The following SLC67A2 variants were observed in gnomAD, a reference collection of about 807,000 sequenced individuals.
SLC67A2 encodes solute carrier family 67 member A2.
chr2:102,731,538 T>A, the SLC67A2 span, among the ~76,000 whole-genome samples: 3 of 152,352 alleles, frequency 2.0e-5, no homozygotes, highest in South Asian at 6.2e-4. Context: ...ATATTTTTTT[T>A]ACAGAGCTCT....
the SLC67A2 span, chr2:102,717,314 T>G: frequency 6.6e-6 from 1 of 152,556 alleles, no homozygotes; most frequent in Non-Finnish European, 1.5e-5. Flanking sequence ...ATTACAGGCC[T>G]GAGCCACCGA....
At chr2:102,730,561 G>A in the SLC67A2 span, among the ~76,000 whole-genome samples, 1 of 92,040 alleles carries the variant, frequency 1.1e-5, no homozygotes, top group African/African-American at 4.3e-5. Flanking sequence ...TTTTTTTTTT[G>A]AGACAGAGTC....
chr2:102,734,651 C>A, the SLC67A2 span, among the ~76,000 whole-genome samples: 1 of 151,948 alleles, frequency 6.6e-6, no homozygotes, highest in Non-Finnish European at 1.5e-5. Flanking sequence ...TAATTGTTTA[C>A]AATATTTTCC....
At chr2:102,718,575 TG>T in the SLC67A2 span, 1 of 1,610,170 alleles carries the variant, frequency 6.2e-7, no homozygotes, top group Non-Finnish European at 8.5e-7. Flanking sequence ...GGGGCGATGA[TG>T]CGGCCCACTG....
At chr2:102,718,491 C>T in the SLC67A2 span, 8 of 1,614,130 alleles carry the variant, frequency 5.0e-6, no homozygotes, top group Non-Finnish European at 6.8e-6. Flanking sequence ...ATGAAAATGG[C>T]CACTAAGGCT....
At chr2:102,735,959 A>T in the SLC67A2 span, among the ~76,000 whole-genome samples, 1 of 152,094 alleles carries the variant, frequency 6.6e-6, no homozygotes, top group African/African-American at 2.4e-5. Context: ...TTAAACATTC[A>T]AGTCAACCGA....
chr2:102,723,250 G>A, the SLC67A2 span, among the ~76,000 whole-genome samples: 2 of 152,138 alleles, frequency 1.3e-5, no homozygotes, highest in Admixed American at 6.5e-5. Context: ...GCGGCGGATC[G>A]CATGAGGTCA....
the SLC67A2 span, among the ~76,000 whole-genome samples, chr2:102,722,774 C>G: frequency 2.6e-5 from 4 of 152,054 alleles, no homozygotes; most frequent in Non-Finnish European, 5.9e-5. Flanking sequence ...GTGGAACTAC[C>G]TGAAACGAAA....
the SLC67A2 span, chr2:102,719,049 G>C: frequency 6.2e-7 from 1 of 1,614,098 alleles, no homozygotes; most frequent in East Asian, 2.2e-5. Context: ...TCGACCCAGG[G>C]CTGGGCAGTC....
chr2:102,726,745 C>G, the SLC67A2 span: 1 of 1,472,748 alleles, frequency 6.8e-7, no homozygotes, highest in Non-Finnish European at 9.0e-7. Context: ...GGATGTTGAG[C>G]AAGACCACAG....
the SLC67A2 span, chr2:102,732,035 C>T: frequency 5.5e-6 from 3 of 545,898 alleles, no homozygotes; most frequent in South Asian, 3.2e-5. Flanking sequence ...CTTTTATACA[C>T]ACAGCCAGCT....
the SLC67A2 span, among the ~76,000 whole-genome samples, chr2:102,722,133 T>C: frequency 6.6e-6 from 1 of 152,222 alleles, no homozygotes; most frequent in South Asian, 2.1e-4. Context: ...AATAACATAA[T>C]TTCAAGAATG....
chr2:102,730,785 G>A, the SLC67A2 span, among the ~76,000 whole-genome samples: 5 of 152,066 alleles, frequency 3.3e-5, no homozygotes, highest in African/African-American at 7.3e-5. Context: ...TCCTGACCTC[G>A]TGATCCACCC....
At chr2:102,722,973 A>G in the SLC67A2 span, among the ~76,000 whole-genome samples, 2 of 152,218 alleles carry the variant, frequency 1.3e-5, no homozygotes, top group African/African-American at 2.4e-5. Flanking sequence ...CAAAAACAAA[A>G]AAACACCAAG....
At chr2:102,724,106 C>T in the SLC67A2 span, among the ~76,000 whole-genome samples, 1 of 152,138 alleles carries the variant, frequency 6.6e-6, no homozygotes, top group Non-Finnish European at 1.5e-5. Flanking sequence ...GGTTCCATCC[C>T]ACCGTAATTA....
chr2:102,726,645 A>G, the SLC67A2 span, among the ~76,000 whole-genome samples: 2 of 151,088 alleles, frequency 1.3e-5, no homozygotes, highest in Non-Finnish European at 2.9e-5. Context: ...CACACAGGCC[A>G]GCATTTCTGC....
the SLC67A2 span, chr2:102,732,221 CTTTGGATAATA>C: frequency 9.7e-7 from 1 of 1,032,144 alleles, no homozygotes; most frequent in Non-Finnish European, 1.5e-6. Flanking sequence ...TCCCACTTAC[CTTTGGATAATA>C]TTTGGATACA....
chr2:102,724,674 C>T, the SLC67A2 span, among the ~76,000 whole-genome samples: 14 of 152,268 alleles, frequency 9.2e-5, no homozygotes, highest in Admixed American at 6.5e-4. Context: ...TGAATAAATG[C>T]GGCTGGCGGA....
chr2:102,730,109 A>G, the SLC67A2 span, among the ~76,000 whole-genome samples: 2 of 152,336 alleles, frequency 1.3e-5, no homozygotes, highest in East Asian at 3.9e-4. Context: ...CACAGTAGAC[A>G]TTACAGGGAG....
Sources: allele counts gnomAD v4.1 joint callset (sites outside exome capture counted in the v4.1 genomes callset), GRCh38; gene constraint gnomAD v4.1.1; transcripts MANE v1.5; gene names NCBI Gene and HGNC (gene_info 2026-07-23, HGNC 2026-07-21).